The following LRBA variants were observed in gnomAD, a reference collection of about 807,000 sequenced individuals.
LRBA encodes the protein lipopolysaccharide-responsive and beige-like anchor protein.
In LRBA, 176 loss-of-function variants were observed where a neutral mutation model predicts 330.0. That is an observed-to-expected ratio of 0.53 (90% confidence interval 0.47 to 0.60). LRBA has a LOEUF of 0.60. Ranked by LOEUF, LRBA falls within the 20% of genes least tolerant of loss-of-function variation. The pLI is 0.00. For synonymous variants in LRBA, 1,230 were observed against 1,193.0 expected (o/e 1.03, Z -0.64); for missense variants, 3,259 against 3,444.8 (o/e 0.95, Z 1.35).
At chr4:150,481,417 T>C (rs1757283495) in intron 42 of LRBA, among the ~76,000 whole-genome samples, 1 of 152,138 alleles carries the variant, frequency 6.6e-6, no homozygotes, top group African/African-American at 2.4e-5. Flanking sequence ...AGAGATATAA[T>C]TTAATACATT....
rs1578843719 is a variant in LRBA, at chr4:150,806,167, T to C, written c.5518+104A>G. The C allele has an allele frequency of 4.8e-6, 4 of 835,538 alleles. No individual in the cohort carries two copies. The Admixed American group carries it at 1.2e-4, about 25-fold the overall frequency. The allele number at this position is 835,538 out of a possible 1,614,324, so 51.8% of individuals were successfully genotyped here. A position where few individuals can be genotyped will look rare whatever the true frequency, so the allele number is the denominator to read the frequency against. ...GCCTATGAGAAACCTTGTCAAAGGC[T>C]GACAACACTTAAACAATGAAACTCC... On this transcript the variant is annotated intron_variant, in intron 33 of 56. Transcript: ENST00000651943.
intron 17 of LRBA, among the ~76,000 whole-genome samples, chr4:150,888,866 C>T (rs1177563388): frequency 1.3e-5 from 2 of 152,062 alleles, no homozygotes; most frequent in African/African-American, 4.8e-5. Context: ...ATAAATAAAA[C>T]CTACAACTAT....
intron 31 of LRBA, among the ~76,000 whole-genome samples, chr4:150,816,512 T>C (rs928272021): frequency 1.3e-5 from 2 of 151,920 alleles, no homozygotes; most frequent in South Asian, 4.1e-4. Flanking sequence ...AATAATTTTT[T>C]ATCCATATAT....
chr4:150,992,925 A>G (rs1742257365), intron 2 of LRBA, among the ~76,000 whole-genome samples: 1 of 152,236 alleles, frequency 6.6e-6, no homozygotes, highest in South Asian at 2.1e-4. Context: ...AAGTAAAGGC[A>G]ACACAGCAAA....
At position 150,844,683 on chromosome 4, in the gene LRBA, A is replaced by G; in HGVS notation, c.4436T>C (p.Ile1479Thr). 6.2e-7 allele frequency: 1 copy of G among 1,613,440 alleles called. No homozygotes were observed. The highest frequency in any genetic ancestry group is 8.5e-7 in the Non-Finnish European group (1 of 1,179,492). The change falls in exon 27 of 57, where the codon ATT becomes ACT. Residue 1479 changes from isoleucine to threonine, a missense_variant. Transcript: ENST00000651943. The stretch of plus-strand genomic sequence containing the variant: ...CTTCGCTGCAGATTTCCCTAAAGGA[A>G]TAAGGCTATGCATTGGTTTCAAGGC... ...DKALKPMHSL[I>T]PLGKSAAKSP... is the part of the protein sequence containing the mutation.
At chr4:150,324,442 T>A (rs1038240774) in intron 49 of LRBA, among the ~76,000 whole-genome samples, 1 of 152,098 alleles carries the variant, frequency 6.6e-6, no homozygotes, top group Admixed American at 6.5e-5. Flanking sequence ...TTTAAAAACA[T>A]GTAGGGGAAA....
At chr4:150,755,027 C>T (rs537103593) in intron 35 of LRBA, among the ~76,000 whole-genome samples, 1 of 152,208 alleles carries the variant, frequency 6.6e-6, no homozygotes, top group African/African-American at 2.4e-5. Context: ...TAATGGCCAA[C>T]AGGGTCCAAA....
chr4:150,996,807 C>T (rs1402774747), intron 2 of LRBA, among the ~76,000 whole-genome samples: 2 of 152,088 alleles, frequency 1.3e-5, no homozygotes, highest in African/African-American at 4.8e-5. Flanking sequence ...AACCTGAGTC[C>T]AAATGCCATC....
chr4:150,636,144 T>C (rs982326856), intron 37 of LRBA, among the ~76,000 whole-genome samples: 2 of 145,006 alleles, frequency 1.4e-5, no homozygotes, highest in Non-Finnish European at 3.0e-5. Flanking sequence ...CTTGATGACA[T>C]GGTACCTACC....
At position 150,567,685 on chromosome 4, in the gene LRBA, G is replaced by T. The variant is rs564865583; in HGVS notation, c.6330+20363C>A. ...CAGAATAAGAGTTCAATAAAGTGGT[G>T]TGTTATTCTTATCATCTCATTTCAA... On this transcript the variant is annotated intron_variant, in intron 40 of 56. Transcript: ENST00000651943. Among the ~76,000 whole-genome samples the T allele has an allele frequency of 1.5e-4, 23 of 152,228 alleles. No individual in the cohort carries two copies. The East Asian group carries it at 4.4e-3, about 29-fold the overall frequency.
chr4:150,683,506 C>G lies in LRBA; in HGVS notation c.5921+45G>C, dbSNP rs763541554. The G allele has an allele frequency of 1.8e-5, 27 of 1,481,372 alleles. No individual in the cohort carries two copies. In the South Asian group the frequency reaches 2.7e-4, roughly 15 times the overall value. 91.8% of individuals were successfully genotyped at this position (1,481,372 alleles called of 1,614,324 possible). A position where few individuals can be genotyped will look rare whatever the true frequency, so the allele number is the denominator to read the frequency against. ...CAAAGTCATTTATCTAAACCTAAGC[C>G]ATCTACAGAAAATCAGTGGCCAAAT... On this transcript the variant is annotated intron_variant, in intron 37 of 56. Transcript: ENST00000651943.
At chr4:150,355,548 C>T (rs1737724066) in intron 47 of LRBA, among the ~76,000 whole-genome samples, 1 of 152,034 alleles carries the variant, frequency 6.6e-6, no homozygotes, top group East Asian at 1.9e-4. Flanking sequence ...AGAGAATAGG[C>T]CTAGGCAGCC....
intron 30 of LRBA, among the ~76,000 whole-genome samples, chr4:150,826,635 C>A (rs1421883819): frequency 6.6e-6 from 1 of 152,062 alleles, no homozygotes; most frequent in East Asian, 1.9e-4. Context: ...TTTTAAAGTT[C>A]TTTTACAATT....
At position 150,831,949 on chromosome 4, in the gene LRBA, C is replaced by A; in HGVS notation, c.4597G>T (p.Ala1533Ser). 1 of 1,527,064 alleles carries A rather than the reference C, an allele frequency of 6.5e-7. No individual in the cohort carries two copies. Among genetic ancestry groups the A allele is most frequent in the South Asian group, 1.3e-5 (1 of 74,604 alleles). 94.6% of individuals were successfully genotyped at this position (1,527,064 alleles called of 1,614,324 possible). A position where few individuals can be genotyped will look rare whatever the true frequency, so the allele number is the denominator to read the frequency against. The change falls in exon 29 of 57, where the codon GCC (alanine) becomes TCC (serine). Residue 1533 changes from alanine to serine, a missense_variant. Physicochemically the swap from Ala to Ser is moderately conservative, Grantham distance 99 (BLOSUM62 1). Transcript: ENST00000651943. ...GAGATAAAGTATACTACTGCCAAGG[C>A]TAAAAATTGAGCTTGTTTGCTATCC... The part of the protein sequence containing the change: ...IEDSKQAQFL[A>S]LAVVYFISVL...
intron 47 of LRBA, among the ~76,000 whole-genome samples, chr4:150,371,561 T>C (rs571023760): frequency 6.6e-6 from 1 of 152,208 alleles, no homozygotes; most frequent in East Asian, 1.9e-4. Flanking sequence ...TCCTGTGGGA[T>C]AAAGACAAAT....
chr4:150,317,337 A>G (rs991500339), intron 50 of LRBA, among the ~76,000 whole-genome samples: 2 of 152,054 alleles, frequency 1.3e-5, no homozygotes, highest in African/African-American at 4.8e-5. Flanking sequence ...TTTTATACTT[A>G]CTCTGTCATA....
At chr4:150,277,773 A>G in intron 56 of LRBA, 80 bp downstream of exon 56, 1 of 1,393,674 alleles carries the variant, frequency 7.2e-7, no homozygotes, top group South Asian at 1.3e-5. Flanking sequence ...AAGTACTGGG[A>G]TTACAGGTGT....
chr4:150,489,066 A>T (rs1436168326), intron 41 of LRBA, among the ~76,000 whole-genome samples: 1 of 74,990 alleles, frequency 1.3e-5, no homozygotes, highest in Non-Finnish European at 2.5e-5. Context: ...AGAATATATA[A>T]TATATTATAT....
At chr4:150,639,373 G>GA (rs1428774639) in intron 37 of LRBA, among the ~76,000 whole-genome samples, 221 of 79,294 alleles carry the variant, frequency 2.8e-3, no homozygotes, top group East Asian at 0.01. Flanking sequence ...AAAAAAAAAA[G>GA]AAAAAAAAAA....
Sources: gnomAD v4.1 joint callset for allele counts (sites outside exome capture counted in the v4.1 genomes callset) on GRCh38, gnomAD v4.1.1 for gene constraint, MANE v1.5 for transcripts, NCBI Gene and HGNC (gene_info 2026-07-23, HGNC 2026-07-21) for gene names.